The following CUX2 variants were observed in gnomAD, a reference collection of about 807,000 sequenced individuals.
CUX2 encodes cut like homeobox 2, also known as homeobox protein cut-like 2.
CUX2 carries 40 observed loss-of-function variants against 144.8 expected under a neutral mutation model. The observed-to-expected ratio is 0.28, with a 90% CI of 0.21 to 0.36. The LOEUF is 0.36. CUX2 is among the 10% of genes least tolerant of loss of function. CUX2 has a pLI of 1.00. For missense variants in CUX2, 1,615 were observed against 1,994.0 expected (o/e 0.81, Z 3.62); for synonymous variants, 827 against 875.6 (o/e 0.94, Z 0.98).
intron 21 of CUX2, 119 bp downstream of exon 21, chr12:111,342,172 T>G: frequency 1.7e-6 from 2 of 1,195,010 alleles, no homozygotes; most frequent in Non-Finnish European, 2.4e-6. Flanking sequence ...CCCCATCACA[T>G]AGGCACTTAG....
chr12:111,162,573 G>A (rs906527223), intron 1 of CUX2, among the ~76,000 whole-genome samples: 6 of 152,226 alleles, frequency 3.9e-5, no homozygotes, highest in Admixed American at 6.5e-5. Flanking sequence ...GCGATGATGG[G>A]ACAGTGCTGA....
Position 111,205,426 on chromosome 12 carries a change from G to A in CUX2, c.64-8774G>A, listed in dbSNP as rs184526874. 1.7e-4 allele frequency among the ~76,000 whole-genome samples: 26 copies of A among 152,250 alleles called. No individual in the cohort carries two copies. The East Asian group carries it at 3.9e-3, about 23-fold the overall frequency. ...CACAAAGTTGTCCCTCCATCCCCCC[G>A]CCACAAGGGGCTTCTCATACTTACT... On this transcript the variant is annotated intron_variant, in intron 1 of 21. Coordinates refer to ENST00000261726, the MANE Select transcript of CUX2 (RefSeq NM_015267.4).
intron 1 of CUX2, among the ~76,000 whole-genome samples, chr12:111,181,187 T>C (rs1200075743): frequency 6.6e-6 from 1 of 152,250 alleles, no homozygotes; most frequent in Non-Finnish European, 1.5e-5. Context: ...TTGTGCATTC[T>C]GAGGAACACA....
chr12:111,102,513 C>G (rs532086712), intron 1 of CUX2, among the ~76,000 whole-genome samples: 1 of 152,360 alleles, frequency 6.6e-6, no homozygotes, highest in East Asian at 1.9e-4. Flanking sequence ...CACCTTCAAC[C>G]ATGTCACGGA....
chr12:111,328,580 TTGTGTGTGTG>T (rs568983449), intron 18 of CUX2, among the ~76,000 whole-genome samples: 34 of 135,852 alleles, frequency 2.5e-4, no homozygotes, highest in South Asian at 1.0e-3. Context: ...CCAATTTCTT[TTGTGTGTGTG>T]TGTGTGTGTG....
At chr12:111,103,965 T>C (rs899730359) in intron 1 of CUX2, among the ~76,000 whole-genome samples, 1 of 152,160 alleles carries the variant, frequency 6.6e-6, no homozygotes, top group South Asian at 2.1e-4. Flanking sequence ...TGTCCTGGGA[T>C]TCCCCCTGAT....
At chr12:111,330,836 A>T (rs1228078191) in intron 18 of CUX2, among the ~76,000 whole-genome samples, 1 of 148,144 alleles carries the variant, frequency 6.8e-6, no homozygotes, top group Non-Finnish European at 1.5e-5. Flanking sequence ...TATTAACATC[A>T]TCATCATTGT....
rs990681261 is a variant in CUX2 at position 111,190,889 on chromosome 12, C to A, written c.64-23311C>A. On this transcript the variant is annotated intron_variant, in intron 1 of 21. Coordinates refer to ENST00000261726, the MANE Select transcript of CUX2 (RefSeq NM_015267.4). This position sits in a 1 kb window ranked among gnomAD's most constrained non-coding sequence, Gnocchi z 4.0. ...CCTCCAAGGACCCTCCTCACACTCACCTCCTGTTCGATGCTGGTCTCCAGC... is the reference window on the plus strand; with the variant it reads ...CCTCCAAGGACCCTCCTCACACTCAACTCCTGTTCGATGCTGGTCTCCAGC... Among the ~76,000 whole-genome samples the A allele has an allele frequency of 6.6e-6, 1 of 152,226 alleles. No homozygotes were observed. Among genetic ancestry groups the A allele is most frequent in the Non-Finnish European group, 1.5e-5 (1 of 68,038 alleles).
intron 1 of CUX2, among the ~76,000 whole-genome samples, chr12:111,176,039 C>CTTTT (rs1172563784): frequency 1.1e-3 from 77 of 70,186 alleles, no homozygotes; most frequent in Non-Finnish European, 1.4e-3. Flanking sequence ...TCTTCTTCTT[C>CTTTT]TTTTTTTTTT....
chr12:111,296,463 T>C lies in CUX2; in HGVS notation c.638-10T>C, dbSNP rs1358486265. The C allele has an allele frequency of 5.0e-6, 8 of 1,602,192 alleles. No individual in the cohort carries two copies. The highest frequency in any genetic ancestry group is 6.0e-6 in the Non-Finnish European group (7 of 1,173,650). On this transcript the variant is annotated splice_polypyrimidine_tract_variant and intron_variant, in intron 7 of 21. Coordinates refer to ENST00000261726, the MANE Select transcript of CUX2 (RefSeq NM_015267.4). ...AGGTGGGGCCTCACCCTGCCTCTGC[T>C]TTCTCCCAGCGCTAAAGGCTACGCA... is the stretch of plus-strand genomic sequence containing the variant.
intron 1 of CUX2, among the ~76,000 whole-genome samples, chr12:111,149,153 A>C (rs779926277): frequency 6.6e-6 from 1 of 152,114 alleles, no homozygotes; most frequent in Non-Finnish European, 1.5e-5. Context: ...TGTGTCTAAG[A>C]CCCAATCTTC....
chr12:111,293,397 C>CA lies in CUX2; in HGVS notation c.437-48dup, dbSNP rs759484646. On this transcript the variant is annotated intron_variant, in intron 5 of 21. Transcript: ENST00000261726. The surrounding 1 kb of genome is among the most constrained non-coding windows in gnomAD (Gnocchi z 4.5). The stretch of plus-strand genomic sequence containing the variant: ...GTTTACAGAAAGCGGCTCTGGCTGC[C>CA]ACGTTGCTCTCTTGGCAATGGGGGT... The CA allele has an allele frequency of 1.3e-6, 2 of 1,564,864 alleles. No individual in the cohort carries two copies. Among genetic ancestry groups the CA allele is most frequent in the Non-Finnish European group, 1.7e-6 (2 of 1,156,854 alleles).
chr12:111,170,030 G>C (rs1878418850), intron 1 of CUX2, among the ~76,000 whole-genome samples: 3 of 152,196 alleles, frequency 2.0e-5, no homozygotes. Context: ...GTACTAGGGG[G>C]AAGAATTTAA....
intron 1 of CUX2, among the ~76,000 whole-genome samples, chr12:111,056,553 C>G (rs75550352): frequency 0.04 from 6,022 of 152,230 alleles, 413 homozygotes; most frequent in African/African-American, 0.14. Context: ...GGCTGGGTTC[C>G]GAGAGGCAAC....
chr12:111,080,409 C>T (rs1592872795), intron 1 of CUX2, among the ~76,000 whole-genome samples: 1 of 152,032 alleles, frequency 6.6e-6, no homozygotes, highest in South Asian at 2.1e-4. Context: ...TGGTGGCTCA[C>T]GCCTGTAATC....
At chr12:111,051,992 CATTCTTTTTTA>C (rs565941171) in intron 1 of CUX2, among the ~76,000 whole-genome samples, 7 of 152,154 alleles carry the variant, frequency 4.6e-5, no homozygotes, top group Non-Finnish European at 8.8e-5. Context: ...GCATGCCTTT[CATTCTTTTTTA>C]ATGGACACAT....
At chr12:111,288,368 T>G (rs1341497805) in intron 4 of CUX2, among the ~76,000 whole-genome samples, 3 of 152,030 alleles carry the variant, frequency 2.0e-5, no homozygotes, top group Non-Finnish European at 4.4e-5. Flanking sequence ...TTGCTACATT[T>G]ATGGTGAGGC....
chr12:111,165,004 A>C (rs937794583), intron 1 of CUX2, among the ~76,000 whole-genome samples: 1 of 152,186 alleles, frequency 6.6e-6, no homozygotes, highest in South Asian at 2.1e-4. Context: ...AAGAGACAGA[A>C]ATCAAACCCT....
At position 111,037,159 on chromosome 12, in the gene CUX2, G is replaced by T. The variant is rs535960193; in HGVS notation, c.63+2919G>T. ...CCCAGCCCCAGGCAGCCGGAGAGCC[G>T]GGGTCCCGCGTCCCGAGGCTGAGCT... is the stretch of plus-strand genomic sequence containing the variant. On this transcript the variant is annotated intron_variant, in intron 1 of 21. Transcript: ENST00000261726. This position sits in a 1 kb window ranked among gnomAD's most constrained non-coding sequence, Gnocchi z 5.4. Among the ~76,000 whole-genome samples the T allele has an allele frequency of 6.6e-6, 1 of 152,278 alleles. No individual in the cohort carries two copies. The highest frequency in any genetic ancestry group is 2.1e-4 in the South Asian group (1 of 4,822).
Sources: allele counts gnomAD v4.1 joint callset (sites outside exome capture counted in the v4.1 genomes callset), GRCh38; gene constraint gnomAD v4.1.1; non-coding constraint Gnocchi (gnomAD v3.1); transcripts MANE v1.5; gene names NCBI Gene and HGNC (gene_info 2026-07-23, HGNC 2026-07-21).